The following FREM3 variants were observed in gnomAD, a reference collection of about 807,000 sequenced individuals.
The protein encoded by FREM3 is FRAS1 related extracellular matrix 3.
FREM3 carries 105 observed loss-of-function variants against 129.1 expected under a neutral mutation model. That is an observed-to-expected ratio of 0.81 (90% CI 0.69 to 0.96). The LOEUF is 0.96. Ranked by LOEUF, FREM3 falls within the 40% of genes least tolerant of loss-of-function variation. The probability of loss-of-function intolerance (pLI) is 0.00; values close to 1 mark genes in which losing one functional copy is unlikely to be tolerated. For synonymous variants in FREM3, 1,014 were observed against 1,044.9 expected, an observed-to-expected ratio of 0.97 and a Z score of 0.57; for missense variants, 2,593 against 2,666.3, an observed-to-expected ratio of 0.97 and a Z score of 0.61.
chr4:143,696,575 G>A lies in FREM3; in HGVS notation c.4101C>T (p.Asn1367=), dbSNP rs1740573222. Residue 1367 remains asparagine, a synonymous_variant, in exon 1 of 8, where the codon AAC becomes AAT. Transcript: ENST00000329798. ...TAAAGTTCATTCCCAGAGTAAGATT[G>A]TTCCTCACTTCTCCTCTGGGTTTTC... ...RLRKPRGEVR[N]NLTLGMNFTQ... The A allele has an allele frequency of 2.0e-6, 3 of 1,537,474 alleles. No homozygotes were observed. Among genetic ancestry groups the A allele is most frequent in the Non-Finnish European group, 2.6e-6 (3 of 1,146,958 alleles).
intron 2 of FREM3, among the ~76,000 whole-genome samples, chr4:143,661,999 G>T (rs578007901): frequency 8.3e-4 from 126 of 151,462 alleles, no homozygotes; most frequent in African/African-American, 2.7e-3. Flanking sequence ...TATTAGTCTT[G>T]CTAGCAGTCT....
intron 5 of FREM3, among the ~76,000 whole-genome samples, chr4:143,617,636 G>A (rs1056644501): frequency 6.6e-6 from 1 of 151,112 alleles, no homozygotes; most frequent in African/African-American, 2.5e-5. Flanking sequence ...ACCAGATATA[G>A]CCAGCTCCAT....
chr4:143,586,708 T>TA (rs1738250019), intron 6 of FREM3, among the ~76,000 whole-genome samples: 1 of 152,300 alleles, frequency 6.6e-6, no homozygotes, highest in Non-Finnish European at 1.5e-5. Context: ...CAAATACACT[T>TA]ATCCATACCC....
rs765394388 is a variant in FREM3, at chr4:143,699,781, C to A, written c.895G>T (p.Gly299Ter). The change falls in exon 1 of 8, where the codon GGA becomes TGA. Residue 299 changes from glycine to a stop codon, truncating the protein, a stop_gained. Transcript: ENST00000329798. LOFTEE classifies it high-confidence loss of function. This position sits in a 1 kb window ranked among gnomAD's most constrained non-coding sequence, Gnocchi z 4.2. Reference protein sequence around the residue: ...HFQLLVRIRGGAENTPPRPSF... With the variant: ...HFQLLVRIRG ...GGCCTGGGCGGTGTGTTCTCGGCTCCGCCGCGGATCCTCACGAGCAGCTGG... is the reference window on the plus strand; with the variant it reads ...GGCCTGGGCGGTGTGTTCTCGGCTCAGCCGCGGATCCTCACGAGCAGCTGG... 1.3e-6 allele frequency: 2 copies of A among 1,534,762 alleles called. No homozygotes were observed. Among genetic ancestry groups the A allele is most frequent in the Admixed American group, 3.9e-5 (2 of 50,780 alleles).
Position 143,585,141 on chromosome 4 carries a change from AAGTTTAT to A in FREM3, c.6178+696_6178+702del, listed in dbSNP as rs1738215574. On this transcript the variant is annotated intron_variant, in intron 7 of 7. Coordinates refer to ENST00000329798, the MANE Select transcript of FREM3 (RefSeq NM_001168235.2). The surrounding 1 kb of genome is among the most constrained non-coding windows in gnomAD (Gnocchi z 4.2). ...CACAGCTAAAGCAGTATTAAGAGGA[AAGTTTAT>A]AGTGCTAAATGCTCACATCAAAAAG... is the stretch of plus-strand genomic sequence containing the variant. 6.6e-6 allele frequency among the ~76,000 whole-genome samples: 1 copy of A among 152,218 alleles called. No homozygotes were observed. The highest frequency in any genetic ancestry group is 2.1e-4 in the South Asian group (1 of 4,832).
rs2149865587 is a variant in FREM3 at position 143,699,128 on chromosome 4, A to G, written c.1548T>C (p.Asn516=). 3.9e-6 allele frequency: 6 copies of G among 1,537,346 alleles called. No individual in the cohort carries two copies. Among genetic ancestry groups the G allele is most frequent in the Non-Finnish European group, 5.2e-6 (6 of 1,146,924 alleles). ...QHDGSNTYSD[N]IIFRMEDGHH... ...GCCCGTCCTCCATCCGGAAGATGAT[A>G]TTGTCACTGTAGGTGTTGCTGCCAT... is the stretch of plus-strand genomic sequence containing the variant. The change falls in exon 1 of 8, where the codon AAT becomes AAC. Residue 516 remains asparagine (N), a synonymous_variant. Coordinates refer to ENST00000329798, the MANE Select transcript of FREM3 (RefSeq NM_001168235.2). The surrounding 1 kb of genome is among the most constrained non-coding windows in gnomAD (Gnocchi z 4.2).
In FREM3 at chr4:143,577,379, GAA is replaced by G; in HGVS notation, c.*230_*231del. On this transcript the variant is annotated 3_prime_UTR_variant, in exon 8 of 8. Transcript: ENST00000329798. ...CTCAGAAACAAAGTAAAACAAAATA[GAA>G]AAAGAACATGAACACAGTCTAATTA... The G allele has an allele frequency of 2.0e-6, 1 of 501,578 alleles. No individual in the cohort carries two copies. The allele number at this position is 501,578 out of a possible 1,614,324, so 31.1% of individuals were successfully genotyped here. A position where few individuals can be genotyped will look rare whatever the true frequency, so the allele number is the denominator to read the frequency against.
chr4:143,597,705 TTAAC>T (rs1396957068), intron 6 of FREM3, among the ~76,000 whole-genome samples: 2 of 152,112 alleles, frequency 1.3e-5, no homozygotes, highest in African/African-American at 4.8e-5. Flanking sequence ...AGGCATAAAC[TTAAC>T]TAAGGCAGGG....
In FREM3 at chr4:143,698,273, C is replaced by T. The variant is rs376063866; in HGVS notation, c.2403G>A (p.Gln801=). Residue 801 remains glutamine (Q), a synonymous_variant, in exon 1 of 8, where the codon CAG becomes CAA. Coordinates refer to ENST00000329798, the MANE Select transcript of FREM3 (RefSeq NM_001168235.2). The stretch of plus-strand genomic sequence containing the variant: ...CAGCATCTTCCACCTGGTAAGTAAA[C>T]TGCACAACCCGTGGTGCAATACCCA... ...QKLGIAPRVV[Q]FTYQVEDAAG... 2.0e-6 allele frequency: 3 copies of T among 1,537,514 alleles called. No individual in the cohort carries two copies. Among genetic ancestry groups the T allele is most frequent in the East Asian group, 4.9e-5 (2 of 40,932 alleles).
intron 2 of FREM3, among the ~76,000 whole-genome samples, chr4:143,629,278 A>G (rs1462842461): frequency 6.6e-6 from 1 of 152,192 alleles, no homozygotes; most frequent in Non-Finnish European, 1.5e-5. Flanking sequence ...AAAGGGAACC[A>G]TGAGCATGGA....
At chr4:143,647,587 T>C (rs1351640332) in intron 2 of FREM3, among the ~76,000 whole-genome samples, 2 of 152,164 alleles carry the variant, frequency 1.3e-5, no homozygotes, top group Non-Finnish European at 2.9e-5. Flanking sequence ...GCTCCAGCCA[T>C]GCCTAAAAGG....
chr4:143,608,247 G>T lies in FREM3; in HGVS notation c.6028+3032C>A, dbSNP rs535038138. 2.6e-5 allele frequency among the ~76,000 whole-genome samples: 4 copies of T among 152,262 alleles called. No homozygotes were observed. The South Asian group carries it at 8.3e-4, about 32-fold the overall frequency. ...TATTCAGCCTACGTTAATGACCAAA[G>T]GACTTGAATGTCTGCTTTTTTGACA... On this transcript the variant is annotated intron_variant, in intron 6 of 7. Transcript: ENST00000329798.
At chr4:143,593,758 A>G (rs1578826051) in intron 6 of FREM3, among the ~76,000 whole-genome samples, 1 of 152,254 alleles carries the variant, frequency 6.6e-6, no homozygotes, top group South Asian at 2.1e-4. Flanking sequence ...ACTCTCTTCA[A>G]AGCTGTCAGA....
chr4:143,627,522 T>C (rs1225758474), intron 3 of FREM3, 92 bp downstream of exon 3: 1 of 1,114,452 alleles, frequency 9.0e-7, no homozygotes, highest in Admixed American at 2.2e-5. Flanking sequence ...CAGTTCTTTA[T>C]TCTCTTTCAG....
chr4:143,642,672 C>A (rs982170113), intron 2 of FREM3, among the ~76,000 whole-genome samples: 1 of 152,108 alleles, frequency 6.6e-6, no homozygotes, highest in Non-Finnish European at 1.5e-5. Context: ...AAACTCACAA[C>A]TATGCAACTA....
intron 2 of FREM3, among the ~76,000 whole-genome samples, chr4:143,674,347 A>G (rs866766521): frequency 4.9e-4 from 74 of 152,288 alleles, no homozygotes; most frequent in Middle Eastern, 3.4e-3. Context: ...CTGCTGAGAG[A>G]TTTTGTCACC....
chr4:143,593,694 G>A (rs1217639505), intron 6 of FREM3, among the ~76,000 whole-genome samples: 3 of 152,232 alleles, frequency 2.0e-5, no homozygotes, highest in African/African-American at 7.2e-5. Flanking sequence ...GGACCCACTT[G>A]AGGAGGCAGT....
intron 2 of FREM3, among the ~76,000 whole-genome samples, chr4:143,689,677 T>C (rs1466176854): frequency 6.6e-6 from 1 of 151,964 alleles, no homozygotes; most frequent in Non-Finnish European, 1.5e-5. Context: ...GTGATATATA[T>C]ATATATGATG....
chr4:143,597,118 C>A (rs1037256637), intron 6 of FREM3, among the ~76,000 whole-genome samples: 1 of 151,694 alleles, frequency 6.6e-6, no homozygotes, highest in African/African-American at 2.4e-5. Context: ...CAAAAAGAGA[C>A]CAAAAACAAA....
Sources: gnomAD v4.1 joint callset for allele counts (sites outside exome capture counted in the v4.1 genomes callset) on GRCh38, gnomAD v4.1.1 for gene constraint, Gnocchi (gnomAD v3.1) non-coding constraint, MANE v1.5 for transcripts, NCBI Gene and HGNC (gene_info 2026-07-23, HGNC 2026-07-21) for gene names.